Variants in CCDC146 observed in about 807,000 individuals in gnomAD.
The protein encoded by CCDC146 is coiled-coil domain containing 146.
Under a neutral mutation model 119.3 loss-of-function variants are expected in CCDC146, and 92 were observed. That is an observed-to-expected ratio of 0.77 (90% CI 0.65 to 0.92). The LOEUF (loss-of-function observed/expected upper bound fraction) is 0.92, where lower values mean the gene tolerates loss of function less well. Among genes scored for constraint, CCDC146 ranks in the 40% least tolerant of loss-of-function variants. CCDC146 has a pLI of 0.00. For synonymous variants in CCDC146, 372 were observed against 371.8 expected (o/e 1.00, Z -0.01); for missense variants, 1,000 against 1,103.0 (o/e 0.91, Z 1.32).
intron 2 of CCDC146, among the ~76,000 whole-genome samples, chr7:77,210,661 C>T (rs1792163582): frequency 6.6e-6 from 1 of 152,176 alleles, no homozygotes; most frequent in African/African-American, 2.4e-5. Flanking sequence ...TCCATTCTCA[C>T]ATTGCTATGA....
At chr7:77,209,792 C>T (rs1258104509) in intron 2 of CCDC146, among the ~76,000 whole-genome samples, 1 of 152,206 alleles carries the variant, frequency 6.6e-6, no homozygotes, top group Non-Finnish European at 1.5e-5. Flanking sequence ...CACATGGAAG[C>T]CATCAAGGCT....
intron 1 of CCDC146, among the ~76,000 whole-genome samples, chr7:77,156,629 T>C (rs1017717693): frequency 6.6e-6 from 1 of 152,232 alleles, no homozygotes; most frequent in Non-Finnish European, 1.5e-5. Context: ...AGTCTAACAT[T>C]GTCTTTGTAT....
intron 9 of CCDC146, among the ~76,000 whole-genome samples, chr7:77,263,038 C>T (rs1793331588): frequency 6.6e-6 from 1 of 152,298 alleles, no homozygotes; most frequent in East Asian, 1.9e-4. Flanking sequence ...AGAAACCTTC[C>T]CCGTTCTCTT....
intron 2 of CCDC146, among the ~76,000 whole-genome samples, chr7:77,225,365 G>A (rs1387194346): frequency 3.3e-5 from 5 of 151,068 alleles, no homozygotes; most frequent in African/African-American, 7.3e-5. Flanking sequence ...CCTGGGCAAC[G>A]TAGTGAGATT....
At chr7:77,133,396 G>A (rs569451122) in intron 1 of CCDC146, among the ~76,000 whole-genome samples, 7 of 152,154 alleles carry the variant, frequency 4.6e-5, no homozygotes, top group Non-Finnish European at 1.0e-4. Flanking sequence ...TGTTGCCCAG[G>A]CTGGGGTGCA....
intron 1 of CCDC146, among the ~76,000 whole-genome samples, chr7:77,164,284 G>A (rs1014960010): frequency 6.6e-6 from 1 of 151,986 alleles, no homozygotes; most frequent in African/African-American, 2.4e-5. Context: ...ACATATTTTA[G>A]TTTATTCACA....
At chr7:77,148,268 A>T (rs1791054732) in intron 1 of CCDC146, among the ~76,000 whole-genome samples, 1 of 152,152 alleles carries the variant, frequency 6.6e-6, no homozygotes, top group African/African-American at 2.4e-5. Flanking sequence ...AAAGCGCAGT[A>T]TTAGGGTGGG....
chr7:77,143,263 T>C (rs1790964027), intron 1 of CCDC146, among the ~76,000 whole-genome samples: 1 of 150,364 alleles, frequency 6.7e-6, no homozygotes, highest in African/African-American at 2.5e-5. Flanking sequence ...GATGGGGTTG[T>C]TTGATTTTTT....
At chr7:77,267,702 T>G (rs762739527) in intron 9 of CCDC146, among the ~76,000 whole-genome samples, 2 of 152,240 alleles carry the variant, frequency 1.3e-5, no homozygotes, top group Non-Finnish European at 2.9e-5. Flanking sequence ...CTGAGCCATG[T>G]GATATTATAT....
intron 2 of CCDC146, among the ~76,000 whole-genome samples, chr7:77,172,333 TG>T (rs1411677733): frequency 6.6e-6 from 1 of 152,244 alleles, no homozygotes; most frequent in East Asian, 1.9e-4. Flanking sequence ...TAACCTACTT[TG>T]TCTTCCTTCA....
At chr7:77,289,935 A>G (rs1793913980) in intron 17 of CCDC146, among the ~76,000 whole-genome samples, 1 of 152,256 alleles carries the variant, frequency 6.6e-6, no homozygotes, top group South Asian at 2.1e-4. Context: ...ATAAAGACAC[A>G]TGCACACGTA....
intron 17 of CCDC146, among the ~76,000 whole-genome samples, chr7:77,290,510 T>C (rs574489354): frequency 1.4e-4 from 21 of 152,368 alleles, no homozygotes; most frequent in African/African-American, 4.8e-4. Flanking sequence ...TAAGACATGC[T>C]AATTTACTCA....
chr7:77,241,207 G>A (rs1441850987), intron 3 of CCDC146, among the ~76,000 whole-genome samples: 3 of 143,376 alleles, frequency 2.1e-5, no homozygotes, highest in Non-Finnish European at 3.1e-5. Context: ...ACAGGCGCCC[G>A]CCACCATGCC....
chr7:77,209,199 G>A (rs1465446947), intron 2 of CCDC146, among the ~76,000 whole-genome samples: 3 of 152,212 alleles, frequency 2.0e-5, no homozygotes, highest in Non-Finnish European at 2.9e-5. Context: ...TAAAGAACAA[G>A]CTAGTTACTT....
At chr7:77,230,505 T>TGA (rs1392952661) in intron 2 of CCDC146, among the ~76,000 whole-genome samples, 1 of 151,776 alleles carries the variant, frequency 6.6e-6, no homozygotes, top group Non-Finnish European at 1.5e-5. Flanking sequence ...TGTGTGTGTG[T>TGA]GTGTGTGTGT....
intron 1 of CCDC146, among the ~76,000 whole-genome samples, chr7:77,148,031 G>T (rs1382075770): frequency 6.6e-6 from 1 of 152,228 alleles, no homozygotes; most frequent in Non-Finnish European, 1.5e-5. Flanking sequence ...AGGCAGGCAG[G>T]CCTCCTTGAG....
chr7:77,134,575 G>GTGTT, intron 1 of CCDC146, among the ~76,000 whole-genome samples: 1 of 151,162 alleles, frequency 6.6e-6, no homozygotes, highest in Admixed American at 6.6e-5. Context: ...GTGTGTGTGT[G>GTGTT]TGTGTGTGTG....
intron 15 of CCDC146, among the ~76,000 whole-genome samples, chr7:77,286,476 T>C (rs565311301): frequency 1.3e-5 from 2 of 152,158 alleles, no homozygotes; most frequent in Admixed American, 1.3e-4. Context: ...CTTGGAGCCC[T>C]GCAACCACAC....
At chr7:77,136,730 T>C (rs1191602877) in intron 1 of CCDC146, among the ~76,000 whole-genome samples, 1 of 152,186 alleles carries the variant, frequency 6.6e-6, no homozygotes, top group Non-Finnish European at 1.5e-5. Context: ...ACAATTTCTT[T>C]TGGTAGATAG....
Sources: gnomAD v4.1 joint callset for allele counts (sites outside exome capture counted in the v4.1 genomes callset) on GRCh38, gnomAD v4.1.1 for gene constraint, MANE v1.5 for transcripts, NCBI Gene and HGNC (gene_info 2026-07-23, HGNC 2026-07-21) for gene names.